CAST: variants seen among roughly 807,000 people sequenced by gnomAD.
The protein encoded by CAST is MIR583 host.
A neutral mutation model predicts 119.6 loss-of-function variants in CAST; 76 were observed. The ratio of observed to expected loss-of-function variants is 0.64; its 90% CI spans 0.53 to 0.77. The LOEUF (loss-of-function observed/expected upper bound fraction) is 0.77, where lower values mean the gene tolerates loss of function less well. Ranked by LOEUF, CAST falls within the 30% of genes least tolerant of loss-of-function variation. CAST has a pLI of 0.00. For missense variants in CAST, 953 were observed against 946.5 expected, an observed-to-expected ratio of 1.01 and a Z score of -0.09; for synonymous variants, 319 against 331.6, an observed-to-expected ratio of 0.96 and a Z score of 0.41.
chr5:96,451,690 A>G, the CAST span, among the ~76,000 whole-genome samples: 156 of 152,372 alleles, frequency 1.0e-3, no homozygotes, highest in African/African-American at 3.1e-3. Flanking sequence ...AGAAACTATC[A>G]TCAGAGTGAA....
the CAST span, among the ~76,000 whole-genome samples, chr5:96,465,987 TC>T: frequency 5.3e-5 from 8 of 152,104 alleles, no homozygotes; most frequent in Non-Finnish European, 1.2e-4. Flanking sequence ...ATCACAGAAT[TC>T]CTTCTAGTCT....
At chr5:96,013,948 T>C in the CAST span, among the ~76,000 whole-genome samples, 1 of 152,074 alleles carries the variant, frequency 6.6e-6, no homozygotes, top group African/African-American at 2.4e-5. Flanking sequence ...ACATTTAAGC[T>C]ATACCAAATT....
the CAST span, among the ~76,000 whole-genome samples, chr5:96,061,985 G>A: frequency 2.6e-4 from 39 of 152,066 alleles, no homozygotes; most frequent in African/African-American, 4.3e-4. Context: ...GTTATATGGC[G>A]CCATCCCTCA....
chr5:96,243,073 A>G, the CAST span, among the ~76,000 whole-genome samples: 1 of 152,090 alleles, frequency 6.6e-6, no homozygotes, highest in Non-Finnish European at 1.5e-5. Context: ...CATTCCTTAT[A>G]TTTCTGTGTT....
At chr5:95,993,899 A>G in the CAST span, among the ~76,000 whole-genome samples, 12 of 152,078 alleles carry the variant, frequency 7.9e-5, no homozygotes, top group Non-Finnish European at 1.5e-4. Flanking sequence ...GGGAAATGCA[A>G]ATTAAAACTA....
At chr5:96,218,175 T>C in the CAST span, among the ~76,000 whole-genome samples, 1 of 152,254 alleles carries the variant, frequency 6.6e-6, no homozygotes, top group Non-Finnish European at 1.5e-5. Context: ...TGACTCACAC[T>C]AGGTGAACAC....
intron 1 of CAST, among the ~76,000 whole-genome samples, chr5:96,664,588 A>G (rs1445865709): frequency 1.3e-5 from 2 of 152,214 alleles, no homozygotes; most frequent in African/African-American, 4.8e-5. Context: ...GCCTCCATGT[A>G]CACTGTGGAG....
the CAST span, among the ~76,000 whole-genome samples, chr5:96,021,907 T>C: frequency 2.6e-5 from 4 of 152,234 alleles, no homozygotes; most frequent in Non-Finnish European, 5.9e-5. Flanking sequence ...TGCCTATCAT[T>C]GGATTCCACA....
At chr5:96,625,095 C>T (rs969727614) in intron 1 of CAST, among the ~76,000 whole-genome samples, 2 of 152,150 alleles carry the variant, frequency 1.3e-5, no homozygotes, top group African/African-American at 4.8e-5. Flanking sequence ...TTTGAACTCA[C>T]ATTAATATCC....
At chr5:96,650,972 T>C (rs1427610854) in intron 1 of CAST, among the ~76,000 whole-genome samples, 10 of 152,184 alleles carry the variant, frequency 6.6e-5, no homozygotes, top group Admixed American at 6.5e-4. Flanking sequence ...GGCTGATGTA[T>C]TATGATTCTT....
At chr5:96,077,743 G>A in the CAST span, among the ~76,000 whole-genome samples, 1 of 152,058 alleles carries the variant, frequency 6.6e-6, no homozygotes, top group Non-Finnish European at 1.5e-5. Flanking sequence ...CTTCTACCAT[G>A]AGTGGAAGCA....
the CAST span, among the ~76,000 whole-genome samples, chr5:96,481,126 A>ATT: frequency 6.6e-6 from 1 of 151,260 alleles, no homozygotes; most frequent in Non-Finnish European, 1.5e-5. Flanking sequence ...TTTTTTTTAA[A>ATT]GGAGCTCCTC....
intron 1 of CAST, among the ~76,000 whole-genome samples, chr5:96,635,571 C>T (rs149568802): frequency 2.0e-3 from 297 of 152,288 alleles, no homozygotes; most frequent in African/African-American, 7.0e-3. Context: ...TCTCTGGTAA[C>T]TTTTCAATTC....
At chr5:96,504,339 C>A in the CAST span, among the ~76,000 whole-genome samples, 1 of 152,092 alleles carries the variant, frequency 6.6e-6, no homozygotes, top group Non-Finnish European at 1.5e-5. Context: ...ATCCTGTGAT[C>A]CTGTCAAAAA....
At chr5:96,384,010 T>C in the CAST span, among the ~76,000 whole-genome samples, 4 of 152,124 alleles carry the variant, frequency 2.6e-5, no homozygotes, top group African/African-American at 4.8e-5. Context: ...CTGAAGCTCA[T>C]GGAACTGGAG....
At chr5:96,710,997 T>C (rs1756018793) in intron 3 of CAST, among the ~76,000 whole-genome samples, 1 of 152,216 alleles carries the variant, frequency 6.6e-6, no homozygotes, top group Non-Finnish European at 1.5e-5. Flanking sequence ...TATTGTGTGC[T>C]GAATTATTCT....
chr5:96,604,205 C>T (rs75783207), intron 1 of CAST, among the ~76,000 whole-genome samples: 1 of 152,122 alleles, frequency 6.6e-6, no homozygotes, highest in Non-Finnish European at 1.5e-5. Flanking sequence ...ATCTTATGAG[C>T]CCACCTTCCT....
At chr5:96,153,572 A>T in the CAST span, among the ~76,000 whole-genome samples, 4 of 152,160 alleles carry the variant, frequency 2.6e-5, no homozygotes, top group Non-Finnish European at 5.9e-5. Flanking sequence ...CTTGCAAGTG[A>T]CTTCACCATT....
At chr5:96,706,417 T>G (rs577885627) in intron 3 of CAST, among the ~76,000 whole-genome samples, 4 of 152,192 alleles carry the variant, frequency 2.6e-5, no homozygotes, top group Admixed American at 6.5e-5. Context: ...AAGTGTTAAA[T>G]GGCAGTGCTG....
Sources: gnomAD v4.1 joint callset for allele counts (sites outside exome capture counted in the v4.1 genomes callset) on GRCh38, gnomAD v4.1.1 for gene constraint, MANE v1.5 for transcripts, NCBI Gene and HGNC (gene_info 2026-07-23, HGNC 2026-07-21) for gene names.